The following PEX14 variants were observed in gnomAD, a reference collection of about 807,000 sequenced individuals.
The protein encoded by PEX14 is peroxisomal biogenesis factor 14.
A neutral mutation model predicts 49.5 loss-of-function variants in PEX14; 15 were observed. That is an observed-to-expected ratio of 0.30 (90% CI 0.20 to 0.47). The LOEUF (loss-of-function observed/expected upper bound fraction) is 0.47. Among genes scored for constraint, PEX14 ranks in the 20% least tolerant of loss-of-function variants. PEX14 has a pLI of 1.00. For synonymous variants in PEX14, 210 were observed against 212.7 expected (o/e 0.99, Z 0.11); for missense variants, 398 against 494.8 (o/e 0.80, Z 1.86).
chr1:10,532,815 TTG>T (rs2124475768), intron 2 of PEX14, among the ~76,000 whole-genome samples: 1 of 152,234 alleles, frequency 6.6e-6, no homozygotes, highest in East Asian at 1.9e-4. Context: ...CAAAAGCGTG[TTG>T]TGTGTGTTGG....
At chr1:10,590,015 C>T (rs573532674) in intron 3 of PEX14, among the ~76,000 whole-genome samples, 298 of 152,344 alleles carry the variant, frequency 2.0e-3, no homozygotes, top group South Asian at 0.014. Context: ...CACCCCCGCC[C>T]CATGCTGTAT....
chr1:10,623,176 C>A lies in PEX14; in HGVS notation c.487+55C>A. On this transcript the variant is annotated intron_variant, in intron 6 of 8. Transcript: ENST00000356607. This position sits in a 1 kb window ranked among gnomAD's most constrained non-coding sequence, Gnocchi z 4.4. ...CCTCACAGCCTTCTCCAAGCAGCCC[C>A]TTCTCTGCCCCTCCCCTCTCCCTCT... 8.9e-7 allele frequency: 1 copy of A among 1,117,962 alleles called. No homozygotes were observed. The highest frequency in any genetic ancestry group is 1.3e-5 in the South Asian group (1 of 77,302). 69.3% of individuals were successfully genotyped at this position (1,117,962 alleles called of 1,614,324 possible).
At chr1:10,551,154 A>G (rs1639322418) in intron 3 of PEX14, among the ~76,000 whole-genome samples, 1 of 152,218 alleles carries the variant, frequency 6.6e-6, no homozygotes, top group African/African-American at 2.4e-5. Flanking sequence ...TGCAGCAAAT[A>G]CATGGGTTAT....
chr1:10,605,623 CAG>C (rs754082078), intron 4 of PEX14, among the ~76,000 whole-genome samples: 3 of 152,204 alleles, frequency 2.0e-5, no homozygotes, highest in Non-Finnish European at 4.4e-5. Flanking sequence ...ACTGAGGTGA[CAG>C]TAAACAGAAA....
chr1:10,480,026 A>C (rs1371416144), intron 1 of PEX14, among the ~76,000 whole-genome samples: 1 of 152,108 alleles, frequency 6.6e-6, no homozygotes, highest in African/African-American at 2.4e-5. Context: ...ATAAATAAAT[A>C]AAATAAAAAA....
intron 4 of PEX14, 105 bp from the exon 5 acceptor site, chr1:10,618,227 T>G (rs759197408): frequency 3.7e-6 from 3 of 808,044 alleles, no homozygotes; most frequent in Non-Finnish European, 6.4e-6. Context: ...CACTTGCCCA[T>G]TGTTGGAGGC....
chr1:10,504,425 G>C (rs1158449206), intron 2 of PEX14, among the ~76,000 whole-genome samples: 1 of 152,220 alleles, frequency 6.6e-6, no homozygotes. Context: ...CAGGAGTCTG[G>C]ATAAATTACC....
rs967382081 is a variant in PEX14, at chr1:10,580,531, G to A, written c.170-18707G>A. 5.3e-5 allele frequency among the ~76,000 whole-genome samples: 8 copies of A among 152,146 alleles called. 1 individual carries two copies. The South Asian group carries it at 6.2e-4, about 12-fold the overall frequency. ...TGAGCCACTGCACCCAAACAGGCGT[G>A]AGCCACTGCACCCGGCCAAGATTCT... On this transcript the variant is annotated intron_variant, in intron 3 of 8. Transcript: ENST00000356607.
chr1:10,610,142 G>T (rs1486483531), intron 4 of PEX14, among the ~76,000 whole-genome samples: 1 of 147,702 alleles, frequency 6.8e-6, no homozygotes, highest in African/African-American at 2.5e-5. Flanking sequence ...ACATATAAAA[G>T]GAATGAACTG....
chr1:10,556,859 A>G (rs933555849), intron 3 of PEX14, among the ~76,000 whole-genome samples: 2 of 152,126 alleles, frequency 1.3e-5, no homozygotes, highest in African/African-American at 4.8e-5. Context: ...GGTGATTTTT[A>G]TCCCCATTTT....
At chr1:10,536,165 C>CA in intron 2 of PEX14, 48 bp from the exon 3 acceptor site, 1 of 1,113,948 alleles carries the variant, frequency 9.0e-7, no homozygotes, top group South Asian at 1.2e-5. Context: ...TCTTGAAATT[C>CA]AGACTATTGA....
chr1:10,539,594 C>A lies in PEX14; in HGVS notation c.169+3297C>A, dbSNP rs1638942789. Among the ~76,000 whole-genome samples the A allele has an allele frequency of 6.6e-6, 1 of 151,958 alleles. No homozygotes were observed. The highest frequency in any genetic ancestry group is 2.4e-5 in the African/African-American group (1 of 41,364). On this transcript the variant is annotated intron_variant, in intron 3 of 8. Transcript: ENST00000356607. This position sits in a 1 kb window ranked among gnomAD's most constrained non-coding sequence, Gnocchi z 4.6. ...TGTGGGGTTTAAGCCCTCATAGAAC[C>A]AGTCTATATATAGAAGCAGTTCTTG...
rs1641940574 is a variant in PEX14 at position 10,514,572 on chromosome 1, G to A, written c.84+19251G>A. Among the ~76,000 whole-genome samples, 1 of 152,176 alleles carries A rather than the reference G, an allele frequency of 6.6e-6. No individual in the cohort carries two copies. Among genetic ancestry groups the A allele is most frequent in the African/African-American group, 2.4e-5 (1 of 41,454 alleles). On this transcript the variant is annotated intron_variant, in intron 2 of 8. Transcript: ENST00000356607. The surrounding 1 kb of genome is among the most constrained non-coding windows in gnomAD (Gnocchi z 4.4). ...CGCAACTCAAGGGAAAGCCATTGGG[G>A]AATGCTCAGTTGGGATTGAACTAAT...
intron 3 of PEX14, among the ~76,000 whole-genome samples, chr1:10,580,426 T>C (rs1403987309): frequency 1.3e-5 from 2 of 152,140 alleles, no homozygotes; most frequent in African/African-American, 4.8e-5. Flanking sequence ...AGTTTCACCA[T>C]GTTGCCCAGG....
At position 10,495,322 on chromosome 1, in the gene PEX14, G is replaced by C; in HGVS notation, c.84+1G>C. The stretch of plus-strand genomic sequence containing the variant: ...AAATGTGCTGCCTCGAGAGCCGCTG[G>C]TAAGTACCCAAGATATGTGGTATCA... On this transcript the variant is annotated splice_donor_variant, in intron 2 of 8. Coordinates refer to ENST00000356607, the MANE Select transcript of PEX14 (RefSeq NM_004565.3). LOFTEE classifies it high-confidence loss of function. The surrounding 1 kb of genome is among the most constrained non-coding windows in gnomAD (Gnocchi z 4.2). 1 of 1,612,008 alleles carries C rather than the reference G, an allele frequency of 6.2e-7. No homozygotes were observed. Among genetic ancestry groups the C allele is most frequent in the South Asian group, 1.1e-5 (1 of 90,958 alleles).
At chr1:10,500,373 CAAAAAAAAAAAAA>C (rs750781683) in intron 2 of PEX14, among the ~76,000 whole-genome samples, 17 of 43,682 alleles carry the variant, frequency 3.9e-4, no homozygotes, top group African/African-American at 1.3e-3. Flanking sequence ...GATTCTGTCT[CAAAAAAAAAAAAA>C]AAAAAAAAAA....
intron 2 of PEX14, among the ~76,000 whole-genome samples, chr1:10,500,283 A>G (rs564816664): frequency 1.4e-3 from 202 of 143,710 alleles, no homozygotes; most frequent in Non-Finnish European, 2.3e-3. Context: ...GCAGGTACCT[A>G]TAATCCTGGC....
intron 2 of PEX14, among the ~76,000 whole-genome samples, chr1:10,498,563 G>GC (rs1233024302): frequency 6.6e-6 from 1 of 152,194 alleles, no homozygotes; most frequent in Non-Finnish European, 1.5e-5. Context: ...TCCTGGCCTT[G>GC]ATTCTAGCAA....
Position 10,629,391 on chromosome 1 carries a change from C to T in PEX14, c.678-140C>T, listed in dbSNP as rs538085916. 2 of 698,288 alleles carry T rather than the reference C, an allele frequency of 2.9e-6. No individual in the cohort carries two copies. The highest frequency in any genetic ancestry group is 1.7e-5 in the African/African-American group (1 of 57,364). 43.3% of individuals were successfully genotyped at this position (698,288 alleles called of 1,614,324 possible). ...GCTCCTGAAAGGAGGGGTGGAAGGGCTCCATCCTGTCCCTTGCCCAGTGTC... is the reference window on the plus strand; with the variant it reads ...GCTCCTGAAAGGAGGGGTGGAAGGGTTCCATCCTGTCCCTTGCCCAGTGTC... On this transcript the variant is annotated intron_variant, in intron 8 of 8. Transcript: ENST00000356607. This position sits in a 1 kb window ranked among gnomAD's most constrained non-coding sequence, Gnocchi z 8.5.
Sources: gnomAD v4.1 joint callset for allele counts (sites outside exome capture counted in the v4.1 genomes callset) on GRCh38, gnomAD v4.1.1 for gene constraint, Gnocchi (gnomAD v3.1) non-coding constraint, MANE v1.5 for transcripts, NCBI Gene and HGNC (gene_info 2026-07-23, HGNC 2026-07-21) for gene names.